The following PLGRKT variants were observed in gnomAD, a reference collection of about 807,000 sequenced individuals.
The protein encoded by PLGRKT is plasminogen receptor with a C-terminal lysine.
In PLGRKT, 22 loss-of-function variants were observed where a neutral mutation model predicts 18.5. That is an observed-to-expected ratio of 1.19 (90% CI 0.85 to 1.70). The LOEUF (loss-of-function observed/expected upper bound fraction) is 1.70, where lower values mean the gene tolerates loss of function less well. Ranked by LOEUF, PLGRKT falls within the 40% of genes most tolerant of loss-of-function variation. PLGRKT has a pLI of 0.00. For missense variants in PLGRKT, 235 were observed against 174.4 expected, an observed-to-expected ratio of 1.35 and a Z score of -1.96; for synonymous variants, 72 against 52.8, an observed-to-expected ratio of 1.36 and a Z score of -1.58.
chr9:5,404,079 G>A (rs1276264833), intron 3 of PLGRKT, among the ~76,000 whole-genome samples: 1 of 152,190 alleles, frequency 6.6e-6, no homozygotes, highest in East Asian at 1.9e-4. Context: ...ACTGAACCAG[G>A]AAGAAGTTGA....
In PLGRKT at chr9:5,426,211, A is replaced by G. The variant is rs1818694717; in HGVS notation, c.81+5686T>C. Among the ~76,000 whole-genome samples, 2 of 152,212 alleles carry G rather than the reference A, an allele frequency of 1.3e-5. 1 individual carries two copies. The highest frequency in any genetic ancestry group is 4.1e-4 in the South Asian group (2 of 4,834). On this transcript the variant is annotated intron_variant, in intron 3 of 5. Transcript: ENST00000223864. ...TCAATACATAGGGAGGAGAACCCCCAGGGAGCTTCAGGAATATTGTCATAA... is the reference window on the plus strand; with the variant it reads ...TCAATACATAGGGAGGAGAACCCCCGGGGAGCTTCAGGAATATTGTCATAA...
intron 3 of PLGRKT, among the ~76,000 whole-genome samples, chr9:5,424,691 T>TATATATATACAC (rs201541927): frequency 1.4e-5 from 1 of 70,486 alleles, no homozygotes; most frequent in African/African-American, 6.1e-5. Context: ...TATATATATA[T>TATATATATACAC]ACACACAGGG....
rs1817527655 is a variant in PLGRKT at position 5,371,986 on chromosome 9, C to CTTTTTTTTTTTGTTTTTTTTTTTTTT, written c.82-10099_82-10098insAAAAAAAAAAAAAACAAAAAAAAAAA. 2.2e-5 allele frequency among the ~76,000 whole-genome samples: 2 copies of CTTTTTTTTTTTGTTTTTTTTTTTTTT among 89,152 alleles called. 1 individual carries two copies. 58.5% of individuals were successfully genotyped at this position (89,152 alleles called of 152,430 possible). A position where few individuals can be genotyped will look rare whatever the true frequency, so the allele number is the denominator to read the frequency against. On this transcript the variant is annotated intron_variant, in intron 3 of 5. Transcript: ENST00000223864. ...CTGCAAAAAACAATATCAGAAAATC[C>CTTTTTTTTTTTGTTTTTTTTTTTTTT]TTTTTTTTTTTTTGATATGGAGTCT...
At chr9:5,421,741 G>C (rs964407744) in intron 3 of PLGRKT, among the ~76,000 whole-genome samples, 2 of 152,124 alleles carry the variant, frequency 1.3e-5, no homozygotes, top group African/African-American at 4.8e-5. Context: ...TTATTATTAA[G>C]CTATATACTC....
chr9:5,371,492 G>A (rs1399261613), intron 3 of PLGRKT, among the ~76,000 whole-genome samples: 3 of 152,110 alleles, frequency 2.0e-5, no homozygotes, highest in Non-Finnish European at 2.9e-5. Flanking sequence ...TTCCGCTTTC[G>A]CTTCTTCCTC....
chr9:5,383,754 C>A (rs1200647055), intron 3 of PLGRKT, among the ~76,000 whole-genome samples: 2 of 152,150 alleles, frequency 1.3e-5, no homozygotes, highest in South Asian at 2.1e-4. Context: ...CTTGATCTGG[C>A]AGGAGGTGGA....
intron 3 of PLGRKT, among the ~76,000 whole-genome samples, chr9:5,391,744 G>T (rs948994176): frequency 6.6e-6 from 1 of 151,950 alleles, no homozygotes; most frequent in African/African-American, 2.4e-5. Flanking sequence ...TCGTATTCAT[G>T]CTTTGTCTAA....
At chr9:5,391,873 C>T (rs769792432) in intron 3 of PLGRKT, among the ~76,000 whole-genome samples, 9 of 151,882 alleles carry the variant, frequency 5.9e-5, no homozygotes, top group South Asian at 2.1e-4. Flanking sequence ...GTAATTTAGA[C>T]GCACCTCCCC....
intron 3 of PLGRKT, among the ~76,000 whole-genome samples, chr9:5,397,615 A>AAGGGAGGGAAGAGGGG (rs1287841565): frequency 6.6e-6 from 1 of 151,640 alleles, no homozygotes. Flanking sequence ...GGAGGAAGAA[A>AAGGGAGGGAAGAGGGG]AGGGAGGGAA....
intron 3 of PLGRKT, among the ~76,000 whole-genome samples, chr9:5,369,904 C>T (rs1346610485): frequency 2.0e-5 from 3 of 151,950 alleles, no homozygotes; most frequent in African/African-American, 7.3e-5. Context: ...CAAATGGACA[C>T]AGGGAGGGGA....
At chr9:5,373,195 G>A (rs1301097743) in intron 3 of PLGRKT, among the ~76,000 whole-genome samples, 1 of 152,154 alleles carries the variant, frequency 6.6e-6, no homozygotes, top group African/African-American at 2.4e-5. Flanking sequence ...CTTTGAAAGA[G>A]CCTGTATACT....
chr9:5,424,652 A>ACT (rs61342920), intron 3 of PLGRKT, among the ~76,000 whole-genome samples: 1 of 126,316 alleles, frequency 7.9e-6, no homozygotes, highest in African/African-American at 3.3e-5. Context: ...CATTATATAT[A>ACT]ATATAATTAT....
At position 5,386,437 on chromosome 9, in the gene PLGRKT, A is replaced by G. The variant is rs370019031; in HGVS notation, c.82-24549T>C. 4.6e-5 allele frequency among the ~76,000 whole-genome samples: 7 copies of G among 151,984 alleles called. 1 individual carries two copies. In the South Asian group the frequency reaches 8.3e-4, roughly 18 times the overall value. ...GTCACAATTGAAGTATGCTACTGGC[A>G]TCTAGTGGGTAGAGGTCAAGGATGC... On this transcript the variant is annotated intron_variant, in intron 3 of 5. Coordinates refer to ENST00000223864, the MANE Select transcript of PLGRKT (RefSeq NM_018465.4).
At chr9:5,364,559 A>G (rs1563765745) in intron 3 of PLGRKT, among the ~76,000 whole-genome samples, 1 of 152,206 alleles carries the variant, frequency 6.6e-6, no homozygotes, top group Non-Finnish European at 1.5e-5. Context: ...CTGTGACAAA[A>G]TAATCTGACT....
At chr9:5,432,542 G>C (rs1370767383) in intron 2 of PLGRKT, among the ~76,000 whole-genome samples, 1 of 149,218 alleles carries the variant, frequency 6.7e-6, no homozygotes, top group Non-Finnish European at 1.5e-5. Flanking sequence ...CTCTTGCGGA[G>C]CCTGGACTGT....
chr9:5,363,111 G>C (rs568750417), intron 3 of PLGRKT, among the ~76,000 whole-genome samples: 1 of 151,896 alleles, frequency 6.6e-6, no homozygotes. Flanking sequence ...CCAAAACCTA[G>C]AGCCAGCGGA....
In PLGRKT at chr9:5,361,775, G is replaced by A; in HGVS notation, c.195C>T (p.Ala65=). ...KYFGTFFGLA[A]ISLTAGAIKK... ...AAACATACCCAGCTGTTAAAGAGATGGCTGCAAGGCCAAAAAAAGTTCCAA... is the reference window on the plus strand; with the variant it reads ...AAACATACCCAGCTGTTAAAGAGATAGCTGCAAGGCCAAAAAAAGTTCCAA... Residue 65 remains alanine (A), a synonymous_variant, in exon 4 of 6, where the codon GCC becomes GCT. Transcript: ENST00000223864. 1.9e-6 allele frequency: 3 copies of A among 1,610,860 alleles called. No homozygotes were observed. Among genetic ancestry groups the A allele is most frequent in the East Asian group, 2.2e-5 (1 of 44,828 alleles).
Position 5,415,861 on chromosome 9 carries a change from G to A in PLGRKT, c.81+16036C>T, listed in dbSNP as rs1281550748. 4.0e-5 allele frequency among the ~76,000 whole-genome samples: 6 copies of A among 151,102 alleles called. No homozygotes were observed. In the East Asian group the frequency reaches 1.2e-3, roughly 29 times the overall value. The stretch of plus-strand genomic sequence containing the variant: ...AGAATAACTGTCACAGATGGGAGGA[G>A]ATTAAGAAGACATCAATTAAATGTG... On this transcript the variant is annotated intron_variant, in intron 3 of 5. Coordinates refer to ENST00000223864, the MANE Select transcript of PLGRKT (RefSeq NM_018465.4).
chr9:5,385,262 C>G (rs1462429382), intron 3 of PLGRKT, among the ~76,000 whole-genome samples: 1 of 151,964 alleles, frequency 6.6e-6, no homozygotes, highest in African/African-American at 2.4e-5. Context: ...ATTGCTTAAG[C>G]CTTCATAACT....
Sources: allele counts gnomAD v4.1 joint callset (sites outside exome capture counted in the v4.1 genomes callset), GRCh38; gene constraint gnomAD v4.1.1; transcripts MANE v1.5; gene names NCBI Gene and HGNC (gene_info 2026-07-23, HGNC 2026-07-21).